DGKD: variants seen among roughly 807,000 people sequenced by gnomAD.
DGKD encodes diacylglycerol kinase delta, also known as DAG kinase delta.
A neutral mutation model predicts 154.4 loss-of-function variants in DGKD; 68 were observed. That is an observed-to-expected ratio of 0.44 (90% CI 0.36 to 0.54). The LOEUF is 0.54. Among genes scored for constraint, DGKD ranks in the 20% least tolerant of loss-of-function variants. DGKD has a pLI of 0.00. For missense variants in DGKD, 1,343 were observed against 1,593.6 expected (o/e 0.84, Z 2.68); for synonymous variants, 693 against 638.0 (o/e 1.09, Z -1.30).
chr2:233,437,548 C>T (rs1215127266), intron 8 of DGKD, 69 bp downstream of exon 8: 6 of 1,457,414 alleles, frequency 4.1e-6, no homozygotes, highest in Non-Finnish European at 5.7e-6. Flanking sequence ...ACTTTCTCTT[C>T]TCCAGCTCTG....
At chr2:233,412,700 A>G (rs1432865854) in intron 3 of DGKD, among the ~76,000 whole-genome samples, 3 of 152,174 alleles carry the variant, frequency 2.0e-5, no homozygotes, top group African/African-American at 2.4e-5. Context: ...TTCGGTTTTC[A>G]TCATTAAATG....
At chr2:233,431,353 A>G (rs6714168) in intron 3 of DGKD, among the ~76,000 whole-genome samples, 46,464 of 152,222 alleles carry the variant, frequency 0.31, 10,107 homozygotes, top group African/African-American at 0.63. Flanking sequence ...AAGATACTCC[A>G]CGTTCATGGA....
chr2:233,439,993 G>A (rs1223737577), intron 9 of DGKD, among the ~76,000 whole-genome samples: 2 of 152,172 alleles, frequency 1.3e-5, no homozygotes, highest in Non-Finnish European at 1.5e-5. Context: ...GGGTGTTGGA[G>A]GAATGCTGTG....
chr2:233,396,151 T>C (rs574041210), intron 3 of DGKD, among the ~76,000 whole-genome samples: 20 of 152,346 alleles, frequency 1.3e-4, no homozygotes, highest in Admixed American at 7.8e-4. Flanking sequence ...GGCTCGATGC[T>C]GTTGCTGTCT....
intron 1 of DGKD, among the ~76,000 whole-genome samples, chr2:233,384,311 T>C (rs567341887): frequency 1.3e-5 from 2 of 152,246 alleles, no homozygotes; most frequent in South Asian, 4.1e-4. Flanking sequence ...TGCTCTCTGC[T>C]CTCCTCCGCT....
Position 233,459,662 on chromosome 2 carries a change from T to G in DGKD, c.2695-95T>G. On this transcript the variant is annotated intron_variant, in intron 22 of 29. Transcript: ENST00000264057. This position sits in a 1 kb window ranked among gnomAD's most constrained non-coding sequence, Gnocchi z 5.7. ...GGGTGTCCTGCAAGGCAGGGACGGG[T>G]GTGTGGAGCAGGAAGGTCATGGTGG... The G allele has an allele frequency of 6.7e-7, 1 of 1,488,076 alleles. No homozygotes were observed. Among genetic ancestry groups the G allele is most frequent in the Non-Finnish European group, 9.0e-7 (1 of 1,104,974 alleles). The allele number at this position is 1,488,076 out of a possible 1,614,324, so 92.2% of individuals were successfully genotyped here.
At chr2:233,381,507 C>T (rs942889224) in intron 1 of DGKD, among the ~76,000 whole-genome samples, 6 of 152,140 alleles carry the variant, frequency 3.9e-5, no homozygotes, top group Admixed American at 1.3e-4. Flanking sequence ...CCCTCAGTTT[C>T]GTAATGTGTA....
intron 3 of DGKD, among the ~76,000 whole-genome samples, chr2:233,401,636 T>C (rs982044027): frequency 6.6e-6 from 1 of 152,076 alleles, no homozygotes; most frequent in Non-Finnish European, 1.5e-5. Context: ...CGCTGTGAAC[T>C]AAGGCTGGGC....
At chr2:233,427,654 T>G (rs182915022) in intron 3 of DGKD, among the ~76,000 whole-genome samples, 1 of 152,362 alleles carries the variant, frequency 6.6e-6, no homozygotes, top group African/African-American at 2.4e-5. Flanking sequence ...ATTGCCCTGC[T>G]TCTGATTTGC....
rs934965895 is a variant in DGKD at position 233,471,172 on chromosome 2, GTT to G, written c.*1714_*1715del. The G allele has an allele frequency of 6.6e-6, 1 of 152,364 alleles. No individual in the cohort carries two copies. Among genetic ancestry groups the G allele is most frequent in the Non-Finnish European group, 1.5e-5 (1 of 68,054 alleles). The allele number at this position is 152,364 out of a possible 1,614,324, so 9.4% of individuals were successfully genotyped here. On this transcript the variant is annotated 3_prime_UTR_variant, in exon 30 of 30. Coordinates refer to ENST00000264057, the MANE Select transcript of DGKD (RefSeq NM_152879.3). ...GTATGGAGGCTGAGCCAGGCCTTGGGTTTCCCCAGCACAGCCTCCTGTCGCTG... is the reference window on the plus strand; with the variant it reads ...GTATGGAGGCTGAGCCAGGCCTTGGGTCCCCAGCACAGCCTCCTGTCGCTG...
chr2:233,380,819 C>CT (rs1702860843), intron 1 of DGKD, among the ~76,000 whole-genome samples: 1 of 152,102 alleles, frequency 6.6e-6, no homozygotes, highest in South Asian at 2.1e-4. Flanking sequence ...ATCGTTGCCA[C>CT]TTTTTGGCTT....
chr2:233,400,305 C>T (rs568530947), intron 3 of DGKD, among the ~76,000 whole-genome samples: 13 of 152,230 alleles, frequency 8.5e-5, no homozygotes, highest in Non-Finnish European at 1.9e-4. Flanking sequence ...TACAGGACAG[C>T]GGGAGGCAGT....
In DGKD at chr2:233,430,808, A is replaced by G. The variant is rs559322802; in HGVS notation, c.349-3572A>G. Among the ~76,000 whole-genome samples the G allele has an allele frequency of 1.4e-4, 22 of 152,228 alleles. No homozygotes were observed. In the South Asian group the frequency reaches 2.9e-3, roughly 20 times the overall value. On this transcript the variant is annotated intron_variant, in intron 3 of 29. Transcript: ENST00000264057. The stretch of plus-strand genomic sequence containing the variant: ...ACTTGAGGAGAACTCTTTTTCCCCC[A>G]CATGTTTGTCAGTACTGGATAGTCA...
rs142869332 is a variant in DGKD, at chr2:233,456,829, A to G, written c.2376-70A>G. The G allele has an allele frequency of 2.7e-4, 334 of 1,217,256 alleles. 1 individual carries two copies. The African/African-American group carries it at 4.4e-3, about 16-fold the overall frequency. 75.4% of individuals were successfully genotyped at this position (1,217,256 alleles called of 1,614,324 possible). A position where few individuals can be genotyped will look rare whatever the true frequency, so the allele number is the denominator to read the frequency against. Reference sequence around the variant, plus strand: ...GGGTCAGATGCTGTTCCCAGCTTTCACAGAAATGACTCTGGTTAACTATAC... The same window carrying G: ...GGGTCAGATGCTGTTCCCAGCTTTCGCAGAAATGACTCTGGTTAACTATAC... On this transcript the variant is annotated intron_variant, in intron 19 of 29. Transcript: ENST00000264057.
chr2:233,375,271 AC>A (rs1367384750), intron 1 of DGKD, among the ~76,000 whole-genome samples: 1 of 152,122 alleles, frequency 6.6e-6, no homozygotes, highest in Non-Finnish European at 1.5e-5. Context: ...AGCCTGGGCG[AC>A]AGAATGAGAC....
chr2:233,388,682 C>G, intron 2 of DGKD: 1 of 207,172 alleles, frequency 4.8e-6, no homozygotes, highest in Non-Finnish European at 9.4e-6. Context: ...AATCACGGGG[C>G]TATGAATTTC....
chr2:233,457,404 G>A lies in DGKD; in HGVS notation c.2580+76G>A. The A allele has an allele frequency of 9.2e-7, 1 of 1,083,502 alleles. No homozygotes were observed. Among genetic ancestry groups the A allele is most frequent in the South Asian group, 1.2e-5 (1 of 80,084 alleles). 67.1% of individuals were successfully genotyped at this position (1,083,502 alleles called of 1,614,324 possible). A position where few individuals can be genotyped will look rare whatever the true frequency, so the allele number is the denominator to read the frequency against. On this transcript the variant is annotated intron_variant, in intron 21 of 29. Coordinates refer to ENST00000264057, the MANE Select transcript of DGKD (RefSeq NM_152879.3). The surrounding 1 kb of genome is among the most constrained non-coding windows in gnomAD (Gnocchi z 5.5). ...TCTGAGAGCAGGGGGGTGTTCTGCT[G>A]TGGCTGGGGTGGATCCAGCTCTTCT...
chr2:233,385,973 C>T (rs1327081071), intron 1 of DGKD: 1 of 470,882 alleles, frequency 2.1e-6, no homozygotes. Context: ...CTCATCCGCC[C>T]TCAGAAAGAT....
At chr2:233,401,698 T>A (rs1483193501) in intron 3 of DGKD, among the ~76,000 whole-genome samples, 1 of 151,742 alleles carries the variant, frequency 6.6e-6, no homozygotes, top group Admixed American at 6.6e-5. Context: ...AGGCGGTGGT[T>A]CAACTGAGGA....
Sources: allele counts gnomAD v4.1 joint callset (sites outside exome capture counted in the v4.1 genomes callset), GRCh38; gene constraint gnomAD v4.1.1; non-coding constraint Gnocchi (gnomAD v3.1); transcripts MANE v1.5; gene names NCBI Gene and HGNC (gene_info 2026-07-23, HGNC 2026-07-21).